SF3B1: variants seen among roughly 807,000 people sequenced by gnomAD.
The protein encoded by SF3B1 is splicing factor 3b subunit 1, also known as pre-mRNA processing 10.
Under a neutral mutation model 153.8 loss-of-function variants are expected in SF3B1, and 12 were observed. That is an observed-to-expected ratio of 0.08 (90% CI 0.05 to 0.13). The LOEUF is 0.13. SF3B1 is among the 10% of genes least tolerant of loss of function. The pLI, the probability that SF3B1 is intolerant of heterozygous loss-of-function variation, is 1.00. For synonymous variants in SF3B1, 498 were observed against 525.2 expected (o/e 0.95, Z 0.71); for missense variants, 513 against 1,606.1 (o/e 0.32, Z 11.63).
intron 23 of SF3B1, among the ~76,000 whole-genome samples, chr2:197,394,853 C>T (rs2084857075): frequency 1.3e-5 from 2 of 151,826 alleles, no homozygotes; most frequent in East Asian, 3.9e-4. Flanking sequence ...TGCAGTATGC[C>T]GAGATCATGC....
Position 197,402,135 on chromosome 2 carries a change from A to G in SF3B1, c.2078-5T>C, listed in dbSNP as rs758968023. 1 of 1,596,002 alleles carries G rather than the reference A, an allele frequency of 6.3e-7. No individual in the cohort carries two copies. On this transcript the variant is annotated splice_polypyrimidine_tract_variant and splice_region_variant and intron_variant, in intron 14 of 24. Transcript: ENST00000335508. This position sits in a 1 kb window ranked among gnomAD's most constrained non-coding sequence, Gnocchi z 4.6. ...TCTGCTGCTCATCCACAAGACCTAC[A>G]AAACCAAACACAGGTTTTAACTATG...
At chr2:197,392,608 C>G (rs192279105) in intron 24 of SF3B1, 147 bp from the exon 25 acceptor site, 1 of 567,646 alleles carries the variant, frequency 1.8e-6, no homozygotes, top group African/African-American at 2.0e-5. Context: ...TGCTCTTAAG[C>G]TGCAATGGAA....
Position 197,392,963 on chromosome 2 carries a change from T to G in SF3B1, c.3756+9A>C. 1 of 1,544,316 alleles carries G rather than the reference T, an allele frequency of 6.5e-7. No homozygotes were observed. Among genetic ancestry groups the G allele is most frequent in the East Asian group, 2.2e-5 (1 of 44,572 alleles). On this transcript the variant is annotated intron_variant, in intron 24 of 24. Transcript: ENST00000335508. ...AAATCACCGATTAAAAAAAAAATCT[T>G]TAACTTACCTGTAAACAATATTGCA...
chr2:197,395,767 T>C (rs180726987), intron 23 of SF3B1, among the ~76,000 whole-genome samples: 5 of 152,336 alleles, frequency 3.3e-5, no homozygotes, highest in Admixed American at 6.5e-5. Flanking sequence ...TTGACCAATT[T>C]TGAAAACAAA....
chr2:197,410,470 T>C (rs983127959), intron 6 of SF3B1, among the ~76,000 whole-genome samples: 6 of 151,672 alleles, frequency 4.0e-5, no homozygotes, highest in Non-Finnish European at 8.8e-5. Flanking sequence ...TGTGTTTAAT[T>C]AATATAAACA....
chr2:197,409,635 G>A, intron 7 of SF3B1, 135 bp downstream of exon 7: 1 of 753,208 alleles, frequency 1.3e-6, no homozygotes, highest in East Asian at 2.5e-5. Context: ...CATATGAACT[G>A]TTCTATTCTT....
In SF3B1 at chr2:197,416,875, C is replaced by A; in HGVS notation, c.532G>T (p.Ala178Ser). ...IRQQLAEKAK[A>S]GELKVVNGAA... ...CCATTGACGACTTTTAGTTCTCCAG[C>A]TTTAGCTTTTTCTGCTAGCTGTTGC... Residue 178 changes from alanine to serine, a missense_variant, in exon 6 of 25, where the codon GCT becomes TCT. Physicochemically the swap from Ala to Ser is moderately conservative, Grantham distance 99. Transcript: ENST00000335508. The A allele has an allele frequency of 1.2e-6, 2 of 1,613,552 alleles. No homozygotes were observed. The highest frequency in any genetic ancestry group is 1.7e-6 in the Non-Finnish European group (2 of 1,179,752).
chr2:197,424,575 A>C (rs912741739), intron 1 of SF3B1, among the ~76,000 whole-genome samples: 1 of 151,986 alleles, frequency 6.6e-6, no homozygotes, highest in African/African-American at 2.4e-5. Context: ...TGCCCTAGTA[A>C]CAGCTTCTAT....
chr2:197,397,728 C>T (rs1426149200), intron 22 of SF3B1, among the ~76,000 whole-genome samples: 3 of 150,972 alleles, frequency 2.0e-5, no homozygotes, highest in African/African-American at 2.4e-5. Flanking sequence ...ACCTGGGAGG[C>T]GGTGGTTGCA....
At chr2:197,429,593 G>T (rs1559280704) in intron 1 of SF3B1, among the ~76,000 whole-genome samples, 6 of 152,088 alleles carry the variant, frequency 3.9e-5, no homozygotes, top group Admixed American at 3.9e-4. Context: ...AGACCAGTCT[G>T]GCCAATGTGG....
intron 6 of SF3B1, among the ~76,000 whole-genome samples, chr2:197,411,087 G>C (rs750648532): frequency 6.6e-6 from 1 of 152,024 alleles, no homozygotes; most frequent in African/African-American, 2.4e-5. Context: ...ACATACAGGC[G>C]CACACCACCA....
chr2:197,416,838 G>C lies in SF3B1; in HGVS notation c.569C>G (p.Ser190Cys), dbSNP rs2085154934. 2 of 1,614,160 alleles carry C rather than the reference G, an allele frequency of 1.2e-6. No individual in the cohort carries two copies. The highest frequency in any genetic ancestry group is 1.3e-5 in the African/African-American group (1 of 75,046). Reference protein sequence around the residue: ...ELKVVNGAAASQPPSKRKRRW... With the variant: ...ELKVVNGAAACQPPSKRKRRW... ...CCGTTTTCGTTTTGATGGAGGCTGGGACGCTGCTGCTCCATTGACGACTTT... is the reference window on the plus strand; with the variant it reads ...CCGTTTTCGTTTTGATGGAGGCTGGCACGCTGCTGCTCCATTGACGACTTT... Residue 190 changes from serine to cysteine, a missense_variant, in exon 6 of 25, where the codon TCC becomes TGC. This residue lies in a region of SF3B1 where 45 missense variants were observed against 65.5 expected (regional missense o/e 0.69). Transcript: ENST00000335508.
rs1223089760 is a variant in SF3B1 at position 197,429,060 on chromosome 2, C to T, written c.29-5086G>A. 1.2e-4 allele frequency among the ~76,000 whole-genome samples: 18 copies of T among 152,076 alleles called. 1 individual carries two copies. The highest frequency in any genetic ancestry group is 1.2e-3 in the Admixed American group (18 of 15,248). On this transcript the variant is annotated intron_variant, in intron 1 of 24. Transcript: ENST00000335508. ...AACCAGAGGTCAAAAACAATGAAGACTTGAGGCAAAGAAACGTCTATGCTA... is the reference window on the plus strand; with the variant it reads ...AACCAGAGGTCAAAAACAATGAAGATTTGAGGCAAAGAAACGTCTATGCTA...
chr2:197,401,556 C>A lies in SF3B1; in HGVS notation c.2371-31G>T. 6.3e-7 allele frequency: 1 copy of A among 1,595,968 alleles called. No individual in the cohort carries two copies. The highest frequency in any genetic ancestry group is 1.1e-5 in the South Asian group (1 of 88,182). ...AGGTTAAGAAATAGTAATAATAAATCAACTGACCTGAAATGAAGAGAATAC... is the reference window on the plus strand; with the variant it reads ...AGGTTAAGAAATAGTAATAATAAATAAACTGACCTGAAATGAAGAGAATAC... On this transcript the variant is annotated intron_variant, in intron 16 of 24. Transcript: ENST00000335508. The surrounding 1 kb of genome is among the most constrained non-coding windows in gnomAD (Gnocchi z 4.2).
At position 197,397,966 on chromosome 2, in the gene SF3B1, G is replaced by A. The variant is rs751854369; in HGVS notation, c.3266+19C>T. On this transcript the variant is annotated intron_variant, in intron 22 of 24. Coordinates refer to ENST00000335508, the MANE Select transcript of SF3B1 (RefSeq NM_012433.4). ...TATTATAAAGTAATTTTTTTTTAAT[G>A]GAAGTAAATAACACTCACCCAATGG... The A allele has an allele frequency of 1.3e-5, 20 of 1,572,464 alleles. No individual in the cohort carries two copies. Among genetic ancestry groups the A allele is most frequent in the Admixed American group, 1.9e-5 (1 of 51,738 alleles).
chr2:197,416,702 A>G (rs762249018), intron 6 of SF3B1, 39 bp downstream of exon 6: 5 of 1,583,048 alleles, frequency 3.2e-6, no homozygotes, highest in South Asian at 1.2e-5. Flanking sequence ...ACAGAAAAAA[A>G]TTTTTTAACA....
At chr2:197,406,568 C>T (rs948718308) in intron 9 of SF3B1, among the ~76,000 whole-genome samples, 6 of 152,108 alleles carry the variant, frequency 3.9e-5, no homozygotes, top group African/African-American at 9.7e-5. Context: ...CTAGTAAGGA[C>T]GTTGCTTATT....
Position 197,423,898 on chromosome 2 carries a change from A to G in SF3B1, c.105T>C (p.Ser35=). 6 of 1,613,258 alleles carry G rather than the reference A, an allele frequency of 3.7e-6. No homozygotes were observed. The highest frequency in any genetic ancestry group is 5.1e-6 in the Non-Finnish European group (6 of 1,179,790). ...AAATTTCCTGGTCATAATAACCTGT[A>G]GAATCGAGGCCCACTCCTTGAGCTT... is the stretch of plus-strand genomic sequence containing the variant. ...LDEAQGVGLD[S]TGYYDQEIYG... The change falls in exon 2 of 25, where the codon TCT becomes TCC. Residue 35 remains serine, a synonymous_variant. Coordinates refer to ENST00000335508, the MANE Select transcript of SF3B1 (RefSeq NM_012433.4).
At chr2:197,418,272 T>C (rs1027078756) in intron 5 of SF3B1, among the ~76,000 whole-genome samples, 1 of 61,212 alleles carries the variant, frequency 1.6e-5, no homozygotes, top group African/African-American at 4.7e-5. Flanking sequence ...AAATCCCTTG[T>C]GAGACACATA....
Sources: gnomAD v4.1 joint callset for allele counts (sites outside exome capture counted in the v4.1 genomes callset) on GRCh38, gnomAD v4.1.1 for gene constraint, gnomAD v4.1.1 regional missense constraint, Gnocchi (gnomAD v3.1) non-coding constraint, MANE v1.5 for transcripts, NCBI Gene and HGNC (gene_info 2026-07-23, HGNC 2026-07-21) for gene names.